D2HGDH: variants seen among roughly 807,000 people sequenced by gnomAD.
D2HGDH encodes D-2-hydroxyglutarate dehydrogenase.
In D2HGDH, 31 loss-of-function variants were observed where a neutral mutation model predicts 46.9. That is an observed-to-expected ratio of 0.66 (90% confidence interval 0.50 to 0.89). D2HGDH has a LOEUF of 0.89. Ranked by LOEUF, D2HGDH falls within the 40% of genes least tolerant of loss-of-function variation. D2HGDH has a pLI of 0.00. For synonymous variants in D2HGDH, 364 were observed against 332.6 expected (o/e 1.09, Z -1.03); for missense variants, 698 against 720.8 (o/e 0.97, Z 0.36).
In D2HGDH at chr2:241,735,302, G is replaced by T; in HGVS notation, c.78G>T (p.Arg26=). 1.3e-6 allele frequency: 2 copies of T among 1,529,522 alleles called. No individual in the cohort carries two copies. The highest frequency in any genetic ancestry group is 1.7e-6 in the Non-Finnish European group (2 of 1,144,510). 94.7% of individuals were successfully genotyped at this position (1,529,522 alleles called of 1,614,324 possible). ...CGGGAGCCGCGGGTTCTTGGGGTCG[G>T]CCGGTTGGCCCCCTGGCCCGCAGAG... ...GAPGAAGSWG[R]PVGPLARRGC... is the part of the protein sequence containing the mutation. The change falls in exon 2 of 10, where the codon CGG becomes CGT. Residue 26 remains arginine, a synonymous_variant. Transcript: ENST00000321264.
chr2:241,750,093 A>T (rs1696875128), intron 6 of D2HGDH, 58 bp from the exon 7 acceptor site: 1 of 1,612,016 alleles, frequency 6.2e-7, no homozygotes, highest in Admixed American at 1.7e-5. Context: ...TTGAAGGGGG[A>T]CTTGGGTGGG....
intron 2 of D2HGDH, among the ~76,000 whole-genome samples, chr2:241,736,631 G>A (rs1455869094): frequency 6.6e-6 from 1 of 150,866 alleles, no homozygotes; most frequent in African/African-American, 2.4e-5. Flanking sequence ...TCGTATCTCA[G>A]TACTGTCAAC....
rs113276310 is a variant in D2HGDH, at chr2:241,734,937, C to G, written c.-92-196C>G. 0.02 allele frequency: 8,057 copies of G among 393,738 alleles called. 136 individuals carry two copies. The highest frequency in any genetic ancestry group is 0.025 in the Non-Finnish European group (5,573 of 220,422). The allele number at this position is 393,738 out of a possible 1,614,324, so 24.4% of individuals were successfully genotyped here. On this transcript the variant is annotated intron_variant, in intron 1 of 9. Coordinates refer to ENST00000321264, the MANE Select transcript of D2HGDH (RefSeq NM_152783.5). ...GGGCAAGGTCCCGGCGAGGCCGCCC[C>G]GAGCCTGCGCGTCGCTAAGTCCAGG...
intron 3 of D2HGDH, among the ~76,000 whole-genome samples, chr2:241,741,994 G>A (rs1249489474): frequency 6.6e-6 from 1 of 152,210 alleles, no homozygotes; most frequent in East Asian, 1.9e-4. Flanking sequence ...CTTTGCAAAG[G>A]TGCAGGCTGG....
intron 9 of D2HGDH, among the ~76,000 whole-genome samples, chr2:241,760,565 T>A (rs1313100596): frequency 1.3e-5 from 2 of 151,376 alleles, no homozygotes; most frequent in South Asian, 2.1e-4. Context: ...ACAGCGTGGG[T>A]GGGCCTTGCC....
At chr2:241,745,672 C>T (rs1320958649) in intron 6 of D2HGDH, among the ~76,000 whole-genome samples, 1 of 152,190 alleles carries the variant, frequency 6.6e-6, no homozygotes, top group Non-Finnish European at 1.5e-5. Flanking sequence ...CTCTGCCCTC[C>T]ACTCTCTTGT....
At chr2:241,739,273 G>C (rs1008626373) in intron 2 of D2HGDH, among the ~76,000 whole-genome samples, 6 of 152,242 alleles carry the variant, frequency 3.9e-5, no homozygotes, top group Admixed American at 1.3e-4. Context: ...GGGTACTCAT[G>C]TTTGTGTTGA....
chr2:241,759,136 T>G (rs771945363), intron 9 of D2HGDH, among the ~76,000 whole-genome samples: 2 of 152,214 alleles, frequency 1.3e-5, no homozygotes, highest in Non-Finnish European at 2.9e-5. Flanking sequence ...TGATCAGCCT[T>G]CGTAACTGTG....
chr2:241,765,002 C>T (rs1699157627), intron 9 of D2HGDH, among the ~76,000 whole-genome samples: 1 of 152,158 alleles, frequency 6.6e-6, no homozygotes, highest in South Asian at 2.1e-4. Context: ...CCTGGGGGCT[C>T]AGTGTGGGCT....
At chr2:241,759,240 A>G (rs1698512956) in intron 9 of D2HGDH, among the ~76,000 whole-genome samples, 1 of 152,146 alleles carries the variant, frequency 6.6e-6, no homozygotes, top group African/African-American at 2.4e-5. Context: ...TTCATTCTAC[A>G]TCCTGCTGAC....
In D2HGDH at chr2:241,765,223, G is replaced by A. The variant is rs1158728120; in HGVS notation, c.1307-2487G>A. On this transcript the variant is annotated intron_variant, in intron 9 of 9. Coordinates refer to ENST00000321264, the MANE Select transcript of D2HGDH (RefSeq NM_152783.5). ...CCAGGTCAGGAGGGAGGCAGTGGCA[G>A]GCCATGCGGTAACTCAGGTGGCCGC... 3.3e-5 allele frequency among the ~76,000 whole-genome samples: 5 copies of A among 152,350 alleles called. No homozygotes were observed. In the East Asian group the frequency reaches 5.8e-4, roughly 18 times the overall value.
rs1694651552 is a variant in D2HGDH at position 241,742,185 on chromosome 2, G to A, written c.351-250G>A. Among the ~76,000 whole-genome samples the A allele has an allele frequency of 6.6e-6, 1 of 152,158 alleles. No individual in the cohort carries two copies. Among genetic ancestry groups the A allele is most frequent in the Non-Finnish European group, 1.5e-5 (1 of 68,014 alleles). ...GGGCGTGTAGGACGTTCTGTCCTTTGAGGGAAGCCTTGTAGGACGTCAGAA... is the reference window on the plus strand; with the variant it reads ...GGGCGTGTAGGACGTTCTGTCCTTTAAGGGAAGCCTTGTAGGACGTCAGAA... On this transcript the variant is annotated intron_variant, in intron 3 of 9. Coordinates refer to ENST00000321264, the MANE Select transcript of D2HGDH (RefSeq NM_152783.5). This position sits in a 1 kb window ranked among gnomAD's most constrained non-coding sequence, Gnocchi z 4.8.
chr2:241,763,397 G>A (rs62192037), intron 9 of D2HGDH, among the ~76,000 whole-genome samples: 18,877 of 152,122 alleles, frequency 0.12, 1,255 homozygotes, highest in South Asian at 0.2. Context: ...CTAGAAAAGG[G>A]ACCGTAAAAG....
chr2:241,750,408 G>T, intron 7 of D2HGDH, 114 bp downstream of exon 7: 1 of 989,466 alleles, frequency 1.0e-6, no homozygotes, highest in Non-Finnish European at 1.5e-6. Context: ...CGGGCGGGTG[G>T]GGGGTCCCTG....
In D2HGDH at chr2:241,735,343, C is replaced by T. The variant is rs1314649818; in HGVS notation, c.119C>T (p.Pro40Leu). Residue 40 changes from proline (P) to leucine (L), a missense_variant, in exon 2 of 10, where the codon CCG (proline) becomes CTG (leucine). Pro to Leu is a moderately conservative substitution (Grantham distance 98). Transcript: ENST00000321264. ...GCCCGCAGAGGCTGCTGCTCCGCCC[C>T]GGGGACCCCCGAGGTGCCGCTGACC... ...PLARRGCCSA[P>L]GTPEVPLTRE... is the part of the protein sequence containing the mutation. 2.6e-6 allele frequency: 4 copies of T among 1,553,840 alleles called. No individual in the cohort carries two copies. The East Asian group carries it at 9.5e-5, about 37-fold the overall frequency.
At position 241,743,842 on chromosome 2, in the gene D2HGDH, G is replaced by T; in HGVS notation, c.684+27G>T. The T allele has an allele frequency of 6.4e-7, 1 of 1,572,220 alleles. No individual in the cohort carries two copies. Among genetic ancestry groups the T allele is most frequent in the African/African-American group, 1.4e-5 (1 of 73,878 alleles). On this transcript the variant is annotated intron_variant, in intron 5 of 9. Coordinates refer to ENST00000321264, the MANE Select transcript of D2HGDH (RefSeq NM_152783.5). The surrounding 1 kb of genome is among the most constrained non-coding windows in gnomAD (Gnocchi z 4.8). ...TGAGCTGGGGCAGCTGCTTGGTGCA[G>T]AGGTCGCCACGGGGTGTCCTCTCAC...
At chr2:241,749,345 ATTC>A (rs958790347) in intron 6 of D2HGDH, 9 of 1,287,852 alleles carry the variant, frequency 7.0e-6, no homozygotes, top group Non-Finnish European at 8.1e-6. Context: ...TCTCTGGAAA[ATTC>A]TTCTCTGATA....
intron 2 of D2HGDH, among the ~76,000 whole-genome samples, chr2:241,740,239 A>G (rs1439361250): frequency 1.3e-5 from 2 of 151,588 alleles, no homozygotes; most frequent in Non-Finnish European, 2.9e-5. Context: ...AGGATAATCA[A>G]AGATGTTAAT....
chr2:241,739,024 G>T (rs537521743), intron 2 of D2HGDH, among the ~76,000 whole-genome samples: 2 of 152,252 alleles, frequency 1.3e-5, no homozygotes, highest in African/African-American at 4.8e-5. Flanking sequence ...TAGTGAGCAC[G>T]CCTGCACTGG....
Sources: gnomAD v4.1 joint callset for allele counts (sites outside exome capture counted in the v4.1 genomes callset) on GRCh38, gnomAD v4.1.1 for gene constraint, Gnocchi (gnomAD v3.1) non-coding constraint, MANE v1.5 for transcripts, NCBI Gene and HGNC (gene_info 2026-07-23, HGNC 2026-07-21) for gene names.